Variants in MAP3K15 observed in about 807,000 individuals in gnomAD.
The protein encoded by MAP3K15 is mitogen-activated protein kinase kinase kinase 15, also known as MAPK/ERK kinase kinase 15.
MAP3K15 carries 124 observed loss-of-function variants against 99.5 expected under a neutral mutation model. The ratio of observed to expected loss-of-function variants is 1.25; its 90% CI spans 1.08 to 1.45. MAP3K15 has a LOEUF of 1.45. MAP3K15 is among the 40% of genes most tolerant of loss of function. The pLI is 0.00. For synonymous variants in MAP3K15, 494 were observed against 439.6 expected, an observed-to-expected ratio of 1.12 and a Z score of -1.55; for missense variants, 1,242 against 1,079.7, an observed-to-expected ratio of 1.15 and a Z score of -2.11.
intron 19 of MAP3K15, 55 bp from the exon 20 acceptor site, chrX:19,374,715 GT>G: frequency 9.2e-7 from 1 of 1,083,564 alleles, no homozygotes; most frequent in Admixed American, 2.3e-5. Flanking sequence ...GTGAATTCAG[GT>G]ATCCATGTCT....
intron 14 of MAP3K15, among the ~76,000 whole-genome samples, chrX:19,399,516 A>G (rs1447961028): frequency 4.6e-5 from 5 of 108,411 alleles, no homozygotes; most frequent in Admixed American, 1.0e-4. Flanking sequence ...GTGAGCCAAG[A>G]TCACGCCACT....
chrX:19,405,343 G>A (rs2063640071), intron 13 of MAP3K15, among the ~76,000 whole-genome samples: 1 of 111,581 alleles, frequency 9.0e-6, no homozygotes, highest in South Asian at 3.7e-4. Context: ...TCATTTCTGT[G>A]ATATTCCTGC....
At chrX:19,387,117 C>T (rs144434407) in intron 18 of MAP3K15, among the ~76,000 whole-genome samples, 1,851 of 112,009 alleles carry the variant, frequency 0.017, 40 homozygotes, top group African/African-American at 0.057. Flanking sequence ...GGAAAGGTGG[C>T]GCCACTTGTT....
chrX:19,487,458 T>C (rs2064336843), intron 2 of MAP3K15, among the ~76,000 whole-genome samples: 1 of 111,765 alleles, frequency 8.9e-6, no homozygotes, highest in African/African-American at 3.2e-5. Context: ...GTTCTAAATA[T>C]TCCTAAGCAT....
chrX:19,410,534 C>T (rs2063679407), intron 11 of MAP3K15, among the ~76,000 whole-genome samples: 1 of 112,096 alleles, frequency 8.9e-6, no homozygotes, highest in Admixed American at 9.5e-5. Flanking sequence ...CACAGCAACC[C>T]TCTATTTCCT....
At chrX:19,441,655 G>A (rs1360028896) in intron 6 of MAP3K15, among the ~76,000 whole-genome samples, 2 of 111,263 alleles carry the variant, frequency 1.8e-5, no homozygotes, top group Non-Finnish European at 3.8e-5. Flanking sequence ...ACAGGGTTTT[G>A]CCATGTTGCC....
intron 13 of MAP3K15, among the ~76,000 whole-genome samples, chrX:19,406,265 T>G (rs2147267325): frequency 8.9e-6 from 1 of 112,686 alleles, no homozygotes; most frequent in South Asian, 3.6e-4. Context: ...TCACAAATAC[T>G]TGCACGTGAA....
rs780348115 is a variant in MAP3K15, at chrX:19,464,371, G to A, written c.561C>T (p.Ile187=). ...SSGNYYFIPY[I]VTPCADYFCC... ...AAAAATAATCAGCGCACGGTGTCACGATGTATGGGATGAAATAATAATTTC... is the reference window on the plus strand; with the variant it reads ...AAAAATAATCAGCGCACGGTGTCACAATGTATGGGATGAAATAATAATTTC... Residue 187 remains isoleucine (I), a synonymous_variant, in exon 4 of 29, where the codon ATC becomes ATT. Coordinates refer to ENST00000338883, the MANE Select transcript of MAP3K15 (RefSeq NM_001001671.4). 4.2e-6 allele frequency: 5 copies of A among 1,187,253 alleles called. No individual in the cohort carries two copies. Among genetic ancestry groups the A allele is most frequent in the Non-Finnish European group, 5.6e-6 (5 of 888,426 alleles).
chrX:19,496,858 C>T (rs938667823), intron 1 of MAP3K15: 3 of 111,550 alleles, frequency 2.7e-5, no homozygotes, highest in African/African-American at 3.3e-5. Context: ...CTGTGCTCTA[C>T]GTTTCCTCAG....
intron 16 of MAP3K15, among the ~76,000 whole-genome samples, chrX:19,393,294 A>G (rs1197524379): frequency 9.0e-6 from 1 of 111,287 alleles, no homozygotes; most frequent in Non-Finnish European, 1.9e-5. Context: ...ATTTCTGTTG[A>G]TACCCTTAAA....
chrX:19,417,467 A>C lies in MAP3K15; in HGVS notation c.1440-2210T>G, dbSNP rs1031845653. Among the ~76,000 whole-genome samples, 64 of 112,005 alleles carry C rather than the reference A, an allele frequency of 5.7e-4. 1 individual carries two copies. The highest frequency in any genetic ancestry group is 2.0e-3 in the African/African-American group (62 of 30,896). On this transcript the variant is annotated intron_variant, in intron 9 of 28. Transcript: ENST00000338883. The stretch of plus-strand genomic sequence containing the variant: ...TTGCTAGCACAGCAGTCTGAGATCA[A>C]ACTGCAAGGCGGCAGTGAGGCTGGG...
intron 6 of MAP3K15, among the ~76,000 whole-genome samples, chrX:19,439,695 C>T (rs980170197): frequency 8.9e-6 from 1 of 111,771 alleles, no homozygotes; most frequent in African/African-American, 3.3e-5. Context: ...TCTCAAACTC[C>T]TGGCCTCAAG....
chrX:19,464,820 T>C (rs1056006369), intron 3 of MAP3K15, among the ~76,000 whole-genome samples: 1 of 111,994 alleles, frequency 8.9e-6, no homozygotes, highest in Non-Finnish European at 1.9e-5. Context: ...CATTTAACTA[T>C]AGGTGAGCTA....
chrX:19,369,160 C>A lies in MAP3K15; in HGVS notation c.3460G>T (p.Glu1154Ter), dbSNP rs988090325. ...ETEGVDKDMD[E>*]AEEGYPPATG... ...GCTGGGGGATAGCCCTCTTCCGCTT[C>A]ATCCATGTCCTTATCTACCCCTTCA... is the stretch of plus-strand genomic sequence containing the variant. Residue 1154 changes from glutamate to a stop codon, truncating the protein, a stop_gained, in exon 25 of 29, where the codon GAA (glutamate) becomes TAA (stop). Coordinates refer to ENST00000338883, the MANE Select transcript of MAP3K15 (RefSeq NM_001001671.4). LOFTEE classifies it high-confidence loss of function. 1 of 1,209,471 alleles carries A rather than the reference C, an allele frequency of 8.3e-7. No homozygotes were observed. The highest frequency in any genetic ancestry group is 1.1e-6 in the Non-Finnish European group (1 of 895,049).
chrX:19,493,241 C>A (rs771699931), intron 1 of MAP3K15, among the ~76,000 whole-genome samples: 11 of 108,254 alleles, frequency 1.0e-4, no homozygotes. Flanking sequence ...TGAAGTCCTC[C>A]CTTCTTTGCC....
intron 6 of MAP3K15, among the ~76,000 whole-genome samples, chrX:19,445,879 A>G (rs945817979): frequency 1.2e-4 from 13 of 109,927 alleles, no homozygotes; most frequent in East Asian, 2.8e-4. Context: ...CCCGGGAGGC[A>G]GAGATTGCAG....
At chrX:19,415,585 G>A (rs2063727577) in intron 9 of MAP3K15, among the ~76,000 whole-genome samples, 1 of 111,715 alleles carries the variant, frequency 9.0e-6, no homozygotes, top group African/African-American at 3.3e-5. Flanking sequence ...GCTGACTCTT[G>A]AACAACACAG....
chrX:19,486,438 A>G, intron 3 of MAP3K15, 44 bp downstream of exon 3: 1 of 632,036 alleles, frequency 1.6e-6, no homozygotes, highest in Admixed American at 4.5e-5. Context: ...ATTGACATTT[A>G]CATTTAATTT....
At position 19,375,194 on chromosome X, in the gene MAP3K15, G is replaced by T. The variant is rs961213679; in HGVS notation, c.2590-534C>A. On this transcript the variant is annotated intron_variant, in intron 19 of 28. Transcript: ENST00000338883. Reference sequence around the variant, plus strand: ...AGCTTCTGAAATTTTGGGGTGGTTTGGTACATAGCAGTAGAGAACTGAGAT... The same window carrying T: ...AGCTTCTGAAATTTTGGGGTGGTTTTGTACATAGCAGTAGAGAACTGAGAT... 3.6e-5 allele frequency among the ~76,000 whole-genome samples: 4 copies of T among 112,353 alleles called. No individual in the cohort carries two copies. The Admixed American group carries it at 3.8e-4, about 11-fold the overall frequency.
Sources: gnomAD v4.1 joint callset for allele counts (sites outside exome capture counted in the v4.1 genomes callset) on GRCh38, gnomAD v4.1.1 for gene constraint, MANE v1.5 for transcripts, NCBI Gene and HGNC (gene_info 2026-07-23, HGNC 2026-07-21) for gene names.